The following ATL2 variants were observed in gnomAD, a reference collection of about 807,000 sequenced individuals.
ATL2 encodes the protein atlastin-2.
Under a neutral mutation model 73.9 loss-of-function variants are expected in ATL2, and 31 were observed. That is an observed-to-expected ratio of 0.42 (90% CI 0.32 to 0.57). The LOEUF (loss-of-function observed/expected upper bound fraction) is 0.57, where lower values mean the gene tolerates loss of function less well. Among genes scored for constraint, ATL2 ranks in the 20% least tolerant of loss-of-function variants. The pLI is 0.14. For missense variants in ATL2, 738 were observed against 702.6 expected, an observed-to-expected ratio of 1.05 and a Z score of -0.57; for synonymous variants, 291 against 237.5, an observed-to-expected ratio of 1.23 and a Z score of -2.07.
chr2:38,348,286 G>T (rs949035956), intron 1 of ATL2, among the ~76,000 whole-genome samples: 3 of 151,780 alleles, frequency 2.0e-5, no homozygotes, highest in Admixed American at 1.3e-4. Flanking sequence ...GACCAACATG[G>T]AGAAACCCCA....
intron 2 of ATL2, among the ~76,000 whole-genome samples, chr2:38,326,734 T>C (rs1385918419): frequency 1.3e-5 from 2 of 152,044 alleles, no homozygotes; most frequent in Non-Finnish European, 2.9e-5. Flanking sequence ...ATGGCTATAA[T>C]CCCAGCACTC....
intron 9 of ATL2, among the ~76,000 whole-genome samples, chr2:38,301,941 G>C (rs1354993229): frequency 1.3e-5 from 2 of 152,204 alleles, no homozygotes; most frequent in Non-Finnish European, 2.9e-5. Flanking sequence ...TTCTGCGTGA[G>C]GAGAGGAGAG....
At chr2:38,329,963 T>C (rs1186198778) in intron 2 of ATL2, among the ~76,000 whole-genome samples, 1 of 151,960 alleles carries the variant, frequency 6.6e-6, no homozygotes, top group African/African-American at 2.4e-5. Context: ...ACCCCATCTC[T>C]ACTAAAAATA....
intron 2 of ATL2, among the ~76,000 whole-genome samples, chr2:38,338,601 T>C (rs1669514064): frequency 6.6e-6 from 1 of 152,082 alleles, no homozygotes; most frequent in Non-Finnish European, 1.5e-5. Context: ...CTAAATAATA[T>C]ATTTAGATGT....
chr2:38,377,126 G>C lies in ATL2; in HGVS notation c.118+17C>G. ...TCCCCATCAGGGCCCCGCGGCCTCT[G>C]CCTCGCTGGCCCGTACCTAGGGAGG... On this transcript the variant is annotated intron_variant, in intron 1 of 12. Coordinates refer to ENST00000378954, the MANE Select transcript of ATL2 (RefSeq NM_001135673.4). 1 of 1,606,152 alleles carries C rather than the reference G, an allele frequency of 6.2e-7. No individual in the cohort carries two copies. The highest frequency in any genetic ancestry group is 8.5e-7 in the Non-Finnish European group (1 of 1,177,074).
intron 2 of ATL2, among the ~76,000 whole-genome samples, chr2:38,339,540 A>G (rs1055770632): frequency 1.3e-5 from 2 of 152,188 alleles, no homozygotes; most frequent in African/African-American, 4.8e-5. Context: ...AAACTTAAAA[A>G]AATATGACCT....
At chr2:38,303,344 TAC>T (rs1168040922) in intron 9 of ATL2, among the ~76,000 whole-genome samples, 2 of 152,114 alleles carry the variant, frequency 1.3e-5, no homozygotes, top group East Asian at 3.9e-4. Context: ...TAGCTGGGAC[TAC>T]ACGCGTGCGC....
chr2:38,342,072 C>A (rs1384303255), intron 2 of ATL2, among the ~76,000 whole-genome samples: 1 of 152,122 alleles, frequency 6.6e-6, no homozygotes, highest in East Asian at 1.9e-4. Context: ...CTCAGTCCAA[C>A]TTGCAATTAT....
At chr2:38,354,485 G>A (rs1263413365) in intron 1 of ATL2, among the ~76,000 whole-genome samples, 1 of 152,138 alleles carries the variant, frequency 6.6e-6, no homozygotes, top group Non-Finnish European at 1.5e-5. Flanking sequence ...ATTTTAAAGT[G>A]GAAAGTGGTA....
At chr2:38,361,353 C>CAA (rs921670483) in intron 1 of ATL2, among the ~76,000 whole-genome samples, 95 of 59,306 alleles carry the variant, frequency 1.6e-3, no homozygotes, top group African/African-American at 2.9e-3. Context: ...GACTCCGTCT[C>CAA]AAAAAAAAAA....
intron 2 of ATL2, among the ~76,000 whole-genome samples, chr2:38,325,659 A>AGT (rs1668571930): frequency 3.5e-4 from 2 of 5,762 alleles, no homozygotes; most frequent in African/African-American, 5.7e-4. Flanking sequence ...CACACACACC[A>AGT]GTACACACAC....
chr2:38,338,316 G>C (rs1448606376), intron 2 of ATL2, among the ~76,000 whole-genome samples: 3 of 141,664 alleles, frequency 2.1e-5, no homozygotes, highest in Non-Finnish European at 4.5e-5. Flanking sequence ...AGGGGAGAGG[G>C]AGGAAGAGGG....
At chr2:38,352,847 T>C (rs567643175) in intron 1 of ATL2, among the ~76,000 whole-genome samples, 6 of 152,346 alleles carry the variant, frequency 3.9e-5, no homozygotes, top group African/African-American at 1.4e-4. Context: ...TGAAAAGATC[T>C]GCAAGGTACA....
At chr2:38,346,347 A>C (rs1478291111) in intron 1 of ATL2, among the ~76,000 whole-genome samples, 2 of 152,134 alleles carry the variant, frequency 1.3e-5, no homozygotes, top group African/African-American at 4.8e-5. Context: ...TAATATAGTT[A>C]CATGTAAAGT....
At chr2:38,315,891 G>A (rs1668002107) in intron 4 of ATL2, among the ~76,000 whole-genome samples, 1 of 152,066 alleles carries the variant, frequency 6.6e-6, no homozygotes, top group African/African-American at 2.4e-5. Flanking sequence ...CAATTTTACT[G>A]GCCTGTGGAA....
In ATL2 at chr2:38,324,764, T is replaced by C. The variant is rs79418915; in HGVS notation, c.364-5745A>G. The stretch of plus-strand genomic sequence containing the variant: ...GGTGTCTTTGACCTTGAAGACACTA[T>C]GCTAAATGAAATAGGCCACACACAA... On this transcript the variant is annotated intron_variant, in intron 2 of 12. Transcript: ENST00000378954. Among the ~76,000 whole-genome samples, 65 of 152,354 alleles carry C rather than the reference T, an allele frequency of 4.3e-4. 1 individual carries two copies. Among genetic ancestry groups the C allele is most frequent in the African/African-American group, 1.5e-3 (62 of 41,584 alleles).
rs777797431 is a variant in ATL2, at chr2:38,299,135, G to A, written c.1200+121C>T. ...AGCAAAGACCATAAAGGGGAATTAG[G>A]GAATAATGTACCATAAGCTGCACAA... is the stretch of plus-strand genomic sequence containing the variant. On this transcript the variant is annotated intron_variant, in intron 11 of 12. Coordinates refer to ENST00000378954, the MANE Select transcript of ATL2 (RefSeq NM_001135673.4). The A allele has an allele frequency of 4.7e-6, 4 of 856,158 alleles. No homozygotes were observed. In the African/African-American group the frequency reaches 7.2e-5, roughly 15 times the overall value. 53.0% of individuals were successfully genotyped at this position (856,158 alleles called of 1,614,324 possible). A position where few individuals can be genotyped will look rare whatever the true frequency, so the allele number is the denominator to read the frequency against.
intron 1 of ATL2, among the ~76,000 whole-genome samples, chr2:38,363,165 AT>A (rs1416613371): frequency 6.6e-6 from 1 of 152,168 alleles, no homozygotes; most frequent in African/African-American, 2.4e-5. Context: ...GAGGATACAC[AT>A]TTTGTAAGTA....
chr2:38,335,998 A>G (rs960502316), intron 2 of ATL2, among the ~76,000 whole-genome samples: 19 of 152,252 alleles, frequency 1.2e-4, no homozygotes, highest in Non-Finnish European at 1.5e-4. Flanking sequence ...CCTGGGCGCC[A>G]CAGCGAGACT....
Sources: gnomAD v4.1 joint callset for allele counts (sites outside exome capture counted in the v4.1 genomes callset) on GRCh38, gnomAD v4.1.1 for gene constraint, MANE v1.5 for transcripts, NCBI Gene and HGNC (gene_info 2026-07-23, HGNC 2026-07-21) for gene names.